The following CHD7 variants were observed in gnomAD, a reference collection of about 807,000 sequenced individuals.
CHD7 encodes ATP-dependent chromatin remodeler CHD7.
CHD7 carries 24 observed loss-of-function variants against 307.3 expected under a neutral mutation model. That is an observed-to-expected ratio of 0.08 (90% CI 0.06 to 0.11). The LOEUF (loss-of-function observed/expected upper bound fraction) is 0.11. CHD7 is among the 10% of genes least tolerant of loss of function. CHD7 has a pLI of 1.00. For synonymous variants in CHD7, 1,363 were observed against 1,349.9 expected (o/e 1.01, Z -0.21); for missense variants, 3,106 against 3,727.1 (o/e 0.83, Z 4.34).
Position 60,854,482 on chromosome 8 carries a change from C to A in CHD7, c.6895C>A (p.Leu2299Ile), listed in dbSNP as rs764553219. 6 of 1,607,472 alleles carry A rather than the reference C, an allele frequency of 3.7e-6. No individual in the cohort carries two copies. Among genetic ancestry groups the A allele is most frequent in the Non-Finnish European group, 5.1e-6 (6 of 1,175,674 alleles). Residue 2299 changes from leucine to isoleucine, a missense_variant, in exon 32 of 38, where the codon CTC (leucine) becomes ATC (isoleucine). Around this residue, in one of 10 missense-constraint regions of CHD7, gnomAD observed 1,030 missense variants for 1,165.4 expected, o/e 0.88. Transcript: ENST00000423902. ...MEDGDPSVAQLLHERTFAFSF... is the reference protein window; with the variant it reads ...MEDGDPSVAQILHERTFAFSF... ...GGACGGAGATCCTTCAGTAGCTCAG[C>A]TCCTTCATGAAAGAACATTTGCCTT...
chr8:60,757,928 T>C (rs1397446227), intron 2 of CHD7, among the ~76,000 whole-genome samples: 1 of 152,224 alleles, frequency 6.6e-6, no homozygotes, highest in Non-Finnish European at 1.5e-5. Context: ...TTGTTTTATT[T>C]AAAGTAATAG....
intron 1 of CHD7, among the ~76,000 whole-genome samples, chr8:60,690,651 G>C (rs901844318): frequency 6.6e-6 from 1 of 152,174 alleles, no homozygotes; most frequent in Non-Finnish European, 1.5e-5. Context: ...CACAATTCAA[G>C]GACATAAGTA....
At chr8:60,790,016 C>T (rs2150687650) in intron 3 of CHD7, among the ~76,000 whole-genome samples, 1 of 152,324 alleles carries the variant, frequency 6.6e-6, no homozygotes, top group East Asian at 1.9e-4. Context: ...TGAGCACATC[C>T]AGCTACCCAC....
In CHD7 at chr8:60,856,660, T is replaced by G. The variant is rs1259500954; in HGVS notation, c.7380T>G (p.Ser2460=). Residue 2460 remains serine (S), a synonymous_variant, in exon 34 of 38, where the codon TCT becomes TCG. Coordinates refer to ENST00000423902, the MANE Select transcript of CHD7 (RefSeq NM_017780.4). ...EATSSTSNFS[S]LSSKFILPNV... is the part of the protein sequence containing the mutation. ...CAAGCTCTACCTCAAATTTTTCATCTCTTTCTTCAAAGTTTATCTTGCCTA... is the reference window on the plus strand; with the variant it reads ...CAAGCTCTACCTCAAATTTTTCATCGCTTTCTTCAAAGTTTATCTTGCCTA... The G allele has an allele frequency of 1.2e-6, 2 of 1,614,038 alleles. No individual in the cohort carries two copies. The highest frequency in any genetic ancestry group is 3.3e-5 in the Admixed American group (2 of 60,030).
intron 1 of CHD7, among the ~76,000 whole-genome samples, chr8:60,737,736 A>G (rs1334373422): frequency 1.3e-5 from 2 of 152,250 alleles, no homozygotes; most frequent in Non-Finnish European, 2.9e-5. Context: ...CGTTTGCTAC[A>G]TATTCTCACA....
At chr8:60,864,926 G>A in intron 37 of CHD7, 90 bp from the exon 38 acceptor site, 1 of 1,265,758 alleles carries the variant, frequency 7.9e-7, no homozygotes, top group African/African-American at 1.5e-5. Context: ...ATTTCCATTT[G>A]GAATGGCAGG....
chr8:60,831,822 T>G (rs1374638153), intron 15 of CHD7, among the ~76,000 whole-genome samples: 1 of 152,128 alleles, frequency 6.6e-6, no homozygotes, highest in Non-Finnish European at 1.5e-5. Flanking sequence ...TATCACAGTT[T>G]ATGTTCAAGG....
intron 4 of CHD7, among the ~76,000 whole-genome samples, chr8:60,796,296 T>C (rs992046772): frequency 1.3e-5 from 2 of 152,268 alleles, no homozygotes; most frequent in Non-Finnish European, 1.5e-5. Flanking sequence ...TAAGTAGATA[T>C]CATTTTTTAA....
chr8:60,853,650 C>CT, intron 31 of CHD7, 150 bp downstream of exon 31: 3 of 615,854 alleles, frequency 4.9e-6, no homozygotes, highest in Non-Finnish European at 7.9e-6. Flanking sequence ...ATGCTTATAT[C>CT]TGTGTTTTGC....
At chr8:60,739,980 C>T (rs1808911977) in intron 1 of CHD7, among the ~76,000 whole-genome samples, 1 of 152,100 alleles carries the variant, frequency 6.6e-6, no homozygotes, top group Non-Finnish European at 1.5e-5. Context: ...AGTTAAATTC[C>T]AAAGATGTTT....
chr8:60,772,331 T>C (rs1177974502), intron 2 of CHD7, among the ~76,000 whole-genome samples: 1 of 152,210 alleles, frequency 6.6e-6, no homozygotes, highest in Non-Finnish European at 1.5e-5. Flanking sequence ...AGTTTGACTT[T>C]TAAAATTCTT....
chr8:60,845,978 G>T (rs1805194486), intron 23 of CHD7, among the ~76,000 whole-genome samples: 1 of 152,112 alleles, frequency 6.6e-6, no homozygotes, highest in African/African-American at 2.4e-5. Flanking sequence ...TTGTCCTTCT[G>T]TGCCTGGCTT....
At chr8:60,731,980 G>T (rs780120039) in intron 1 of CHD7, among the ~76,000 whole-genome samples, 1 of 152,238 alleles carries the variant, frequency 6.6e-6, no homozygotes, top group African/African-American at 2.4e-5. Context: ...TGCTTTGCCT[G>T]TCCTGTGCTC....
intron 2 of CHD7, among the ~76,000 whole-genome samples, chr8:60,758,428 A>T (rs924268386): frequency 2.0e-5 from 3 of 152,130 alleles, no homozygotes; most frequent in Admixed American, 6.5e-5. Flanking sequence ...CCAGTCTACA[A>T]TATTTTTTAA....
rs1563662500 is a variant in CHD7 at position 60,854,359 on chromosome 8, T to G, written c.6776-4T>G. 1 of 1,613,012 alleles carries G rather than the reference T, an allele frequency of 6.2e-7. No individual in the cohort carries two copies. The highest frequency in any genetic ancestry group is 8.5e-7 in the Non-Finnish European group (1 of 1,179,328). On this transcript the variant is annotated splice_region_variant and splice_polypyrimidine_tract_variant and intron_variant, in intron 31 of 37. Transcript: ENST00000423902. ...TGAGTAATGCACATTAACTCATTTC[T>G]CAGCAGGAGCTGTCTCTAGAGGGAA...
At chr8:60,732,835 C>G (rs182976385) in intron 1 of CHD7, among the ~76,000 whole-genome samples, 21 of 152,194 alleles carry the variant, frequency 1.4e-4, no homozygotes, top group Admixed American at 7.9e-4. Flanking sequence ...TAATTTTTTT[C>G]CTATCCAAAA....
chr8:60,865,730 G>T lies in CHD7; in HGVS notation c.8791G>T (p.Val2931Leu). 6.2e-7 allele frequency: 1 copy of T among 1,611,484 alleles called. No homozygotes were observed. The highest frequency in any genetic ancestry group is 8.5e-7 in the Non-Finnish European group (1 of 1,178,322). The change falls in exon 38 of 38, where the codon GTG (valine) becomes TTG (leucine). Residue 2931 changes from valine to leucine, a missense_variant. By Grantham distance (32) the Val-to-Leu change is conservative (BLOSUM62 1). This residue lies in a region of CHD7 where 351 missense variants were observed against 366.2 expected (regional missense o/e 0.96). Transcript: ENST00000423902. The surrounding 1 kb of genome is among the most constrained non-coding windows in gnomAD (Gnocchi z 4.3). ...AGCATTGGCAGGACTTCAGAATGCC[G>T]TGGGCTCCAGCGAAGAAAAGGCTGC... Reference protein sequence around the residue: ...FPALAGLQNAVGSSEEKAADK... With the variant: ...FPALAGLQNALGSSEEKAADK...
chr8:60,750,051 C>A (rs1809556113), intron 2 of CHD7, among the ~76,000 whole-genome samples: 1 of 152,192 alleles, frequency 6.6e-6, no homozygotes, highest in Non-Finnish European at 1.5e-5. Context: ...CCTTTCACCC[C>A]ATAGTCTGAA....
chr8:60,717,701 A>G (rs527822721), intron 1 of CHD7, among the ~76,000 whole-genome samples: 5 of 150,062 alleles, frequency 3.3e-5, no homozygotes, highest in African/African-American at 1.2e-4. Context: ...CAGTGGTCTC[A>G]TGAGATTATA....
Sources: gnomAD v4.1 joint callset for allele counts (sites outside exome capture counted in the v4.1 genomes callset) on GRCh38, gnomAD v4.1.1 for gene constraint, gnomAD v4.1.1 regional missense constraint, Gnocchi (gnomAD v3.1) non-coding constraint, MANE v1.5 for transcripts, NCBI Gene and HGNC (gene_info 2026-07-23, HGNC 2026-07-21) for gene names.